The following IFT122 variants were observed in gnomAD, a reference collection of about 807,000 sequenced individuals.
The protein encoded by IFT122 is intraflagellar transport 122.
Under a neutral mutation model 161.6 loss-of-function variants are expected in IFT122, and 118 were observed. The ratio of observed to expected loss-of-function variants is 0.73; its 90% CI spans 0.63 to 0.85. The LOEUF (loss-of-function observed/expected upper bound fraction) is 0.85, where lower values mean the gene tolerates loss of function less well. Ranked by LOEUF, IFT122 falls within the 40% of genes least tolerant of loss-of-function variation. The pLI is 0.00. For synonymous variants in IFT122, 550 were observed against 602.4 expected (o/e 0.91, Z 1.27); for missense variants, 1,381 against 1,579.6 (o/e 0.87, Z 2.13).
chr3:129,506,327 A>T (rs2082187041), intron 21 of IFT122, 82 bp from the exon 22 acceptor site: 1 of 1,534,578 alleles, frequency 6.5e-7, no homozygotes. Context: ...AGCCCTGTGC[A>T]AGCCCCACAG....
chr3:129,464,198 G>A (rs1378962825), intron 6 of IFT122, among the ~76,000 whole-genome samples: 2 of 152,194 alleles, frequency 1.3e-5, no homozygotes, highest in African/African-American at 4.8e-5. Flanking sequence ...CAGCTTCTAG[G>A]AGTATATCCC....
At chr3:129,504,028 G>A (rs1232657627) in intron 20 of IFT122, 2 of 416,828 alleles carry the variant, frequency 4.8e-6, no homozygotes, top group Admixed American at 3.6e-5. Flanking sequence ...AGGAGCCCAC[G>A]CAAACCCTCA....
In IFT122 at chr3:129,461,247, T is replaced by TG. The variant is rs2076184962; in HGVS notation, c.293dup (p.Cys98TrpfsTer18). On this transcript the variant is annotated frameshift_variant, in exon 5 of 30. Transcript: ENST00000348417. LOFTEE classifies it high-confidence loss of function. ...TCCCAGGCACAATGATGCTATACAA[T>TG]GTGTCTCCTACAATCCTATTACTCA... is the stretch of plus-strand genomic sequence containing the variant. The TG allele has an allele frequency of 1.2e-6, 2 of 1,613,486 alleles. No homozygotes were observed. The highest frequency in any genetic ancestry group is 1.7e-6 in the Non-Finnish European group (2 of 1,179,352).
chr3:129,453,045 G>A (rs1261387274), intron 3 of IFT122, among the ~76,000 whole-genome samples: 1 of 152,186 alleles, frequency 6.6e-6, no homozygotes. Context: ...AAGACTGCAG[G>A]TAGAGAAAAG....
At chr3:129,493,419 G>T (rs1289699043) in intron 17 of IFT122, among the ~76,000 whole-genome samples, 1 of 152,220 alleles carries the variant, frequency 6.6e-6, no homozygotes, top group Non-Finnish European at 1.5e-5. Flanking sequence ...TCTGCTCTGT[G>T]CCACATGCGT....
chr3:129,448,459 T>C (rs1306384548), intron 1 of IFT122, among the ~76,000 whole-genome samples: 16 of 152,204 alleles, frequency 1.1e-4, no homozygotes, highest in African/African-American at 3.9e-4. Flanking sequence ...AGGTGTGTCA[T>C]TTGCATTGGG....
intron 5 of IFT122, 153 bp downstream of exon 5, chr3:129,461,457 T>A: frequency 1.4e-6 from 1 of 705,178 alleles, no homozygotes; most frequent in Non-Finnish European, 2.6e-6. Context: ...AGTTATTCTT[T>A]AAATTGTGTG....
At chr3:129,467,124 C>A in intron 8 of IFT122, 58 bp downstream of exon 8, 1 of 1,518,676 alleles carries the variant, frequency 6.6e-7, no homozygotes, top group South Asian at 1.1e-5. Flanking sequence ...CCCACACAGA[C>A]TTGCCAGGAC....
chr3:129,476,692 C>T lies in IFT122; in HGVS notation c.1038C>T (p.Ser346=), dbSNP rs1206035934. The T allele has an allele frequency of 6.2e-7, 1 of 1,614,206 alleles. No homozygotes were observed. Among genetic ancestry groups the T allele is most frequent in the Non-Finnish European group, 8.5e-7 (1 of 1,180,046 alleles). The change falls in exon 11 of 30, where the codon TCC becomes TCT. Residue 346 remains serine (S), a synonymous_variant. Transcript: ENST00000348417. ...TCGGCTGCCAGGACGGCACCATTTC[C>T]TTCTACCAGCTTATTTTCAGCACAG... ...VVVGCQDGTI[S]FYQLIFSTVH... is the part of the protein sequence containing the mutation.
intron 7 of IFT122, among the ~76,000 whole-genome samples, chr3:129,465,524 G>A (rs2076654706): frequency 7.1e-6 from 1 of 140,628 alleles, no homozygotes; most frequent in African/African-American, 2.7e-5. Context: ...AGCCTGGAGT[G>A]CAGTGGCACA....
At chr3:129,456,235 T>C in intron 3 of IFT122, 2 of 1,285,062 alleles carry the variant, frequency 1.6e-6, no homozygotes, top group Non-Finnish European at 1.0e-6. Flanking sequence ...ACCTGCTACC[T>C]ACCAGGATGA....
At chr3:129,455,815 AAG>A (rs1488803619) in intron 3 of IFT122, among the ~76,000 whole-genome samples, 1 of 152,146 alleles carries the variant, frequency 6.6e-6, no homozygotes, top group South Asian at 2.1e-4. Context: ...ATTGAGAAAA[AAG>A]AAAAATATAT....
chr3:129,511,835 A>G (rs1348882035), intron 23 of IFT122, among the ~76,000 whole-genome samples: 2 of 152,222 alleles, frequency 1.3e-5, no homozygotes, highest in African/African-American at 2.4e-5. Flanking sequence ...GGAGAGGGCT[A>G]AATGCCTCTG....
intron 1 of IFT122, among the ~76,000 whole-genome samples, chr3:129,446,724 C>G (rs1008196541): frequency 1.3e-5 from 2 of 152,180 alleles, no homozygotes; most frequent in African/African-American, 4.8e-5. Flanking sequence ...TCAGGACCAC[C>G]TGAGGGCTGT....
In IFT122 at chr3:129,440,363, C is replaced by G; in HGVS notation, c.33C>G (p.Ala11=). ...CCGTGTTGACGTGGAGAGATAAAGC[C>G]GAGCACTGGTGAGGAGCGGGGCGGT... The part of the protein sequence containing the change: MRAVLTWRDK[A]EHCINDIAFK... Residue 11 remains alanine (A), a synonymous_variant, in exon 1 of 30, where the codon GCC becomes GCG. Transcript: ENST00000348417. The G allele has an allele frequency of 6.4e-7, 1 of 1,550,682 alleles. No homozygotes were observed. Among genetic ancestry groups the G allele is most frequent in the Non-Finnish European group, 8.7e-7 (1 of 1,146,824 alleles).
At chr3:129,499,169 C>T (rs1462552596) in intron 18 of IFT122, among the ~76,000 whole-genome samples, 1 of 152,232 alleles carries the variant, frequency 6.6e-6, no homozygotes, top group Non-Finnish European at 1.5e-5. Flanking sequence ...CAGGTTCTCA[C>T]CCCTGCAGAC....
At chr3:129,464,569 T>C in intron 6 of IFT122, 66 bp from the exon 7 acceptor site, 1 of 1,595,346 alleles carries the variant, frequency 6.3e-7, no homozygotes, top group Non-Finnish European at 8.6e-7. Context: ...GGCATCATCC[T>C]CACTAGTTTT....
At chr3:129,477,454 T>C (rs977739469) in intron 11 of IFT122, among the ~76,000 whole-genome samples, 10 of 152,098 alleles carry the variant, frequency 6.6e-5, no homozygotes, top group South Asian at 6.2e-4. Context: ...AGGTTGGGGG[T>C]TGTCTTGTAG....
chr3:129,463,543 A>G lies in IFT122; in HGVS notation c.350-17A>G. ...TTCCAACCAATCCATCTTCTTTTATATTATTGTGCATTGAAGGGTTGTGGT... is the reference window on the plus strand; with the variant it reads ...TTCCAACCAATCCATCTTCTTTTATGTTATTGTGCATTGAAGGGTTGTGGT... On this transcript the variant is annotated splice_polypyrimidine_tract_variant and intron_variant, in intron 5 of 29. Transcript: ENST00000348417. 1.2e-6 allele frequency: 2 copies of G among 1,609,938 alleles called. No homozygotes were observed.
Sources: allele counts gnomAD v4.1 joint callset (sites outside exome capture counted in the v4.1 genomes callset), GRCh38; gene constraint gnomAD v4.1.1; transcripts MANE v1.5; gene names NCBI Gene and HGNC (gene_info 2026-07-23, HGNC 2026-07-21).